PLCB4: variants seen among roughly 807,000 people sequenced by gnomAD.
The protein encoded by PLCB4 is phospholipase C beta 4.
In PLCB4, 77 loss-of-function variants were observed where a neutral mutation model predicts 178.8. That is an observed-to-expected ratio of 0.43 (90% CI 0.36 to 0.52). PLCB4 has a LOEUF of 0.52. PLCB4 is among the 20% of genes least tolerant of loss of function. PLCB4 has a pLI of 0.00. For synonymous variants in PLCB4, 496 were observed against 490.8 expected, an observed-to-expected ratio of 1.01 and a Z score of -0.14; for missense variants, 1,024 against 1,453.4, an observed-to-expected ratio of 0.70 and a Z score of 4.80.
rs142101390 is a variant in PLCB4, at chr20:9,408,985, G to A, written c.1875-72G>A. ...GTCATTGTTGGCCTAGACCTTTGTTGTTTTAGCTCTTTGTTGTTTATTTTT... is the reference window on the plus strand; with the variant it reads ...GTCATTGTTGGCCTAGACCTTTGTTATTTTAGCTCTTTGTTGTTTATTTTT... On this transcript the variant is annotated intron_variant, in intron 23 of 39. Transcript: ENST00000378473. 607 of 1,421,198 alleles carry A rather than the reference G, an allele frequency of 4.3e-4. 4 individuals are homozygous for A. In the African/African-American group the frequency reaches 7.7e-3, roughly 18 times the overall value. 88.0% of individuals were successfully genotyped at this position (1,421,198 alleles called of 1,614,324 possible).
intron 1 of PLCB4, among the ~76,000 whole-genome samples, chr20:9,080,823 G>A (rs887823116): frequency 7.2e-5 from 11 of 152,138 alleles, no homozygotes; most frequent in Non-Finnish European, 1.5e-4. Flanking sequence ...AGTCTATGGG[G>A]ACTTTCAAAT....
intron 1 of PLCB4, among the ~76,000 whole-genome samples, chr20:9,089,259 T>A (rs1166261039): frequency 6.6e-6 from 1 of 151,952 alleles, no homozygotes; most frequent in African/African-American, 2.4e-5. Context: ...TCAATATATT[T>A]AAAAATATAT....
chr20:9,123,006 G>A (rs2092008482), intron 2 of PLCB4, among the ~76,000 whole-genome samples: 1 of 152,100 alleles, frequency 6.6e-6, no homozygotes, highest in Non-Finnish European at 1.5e-5. Context: ...GTACTCTTGA[G>A]CATATAGCTA....
intron 2 of PLCB4, among the ~76,000 whole-genome samples, chr20:9,147,120 T>G (rs2092611994): frequency 6.6e-6 from 1 of 152,150 alleles, no homozygotes; most frequent in Admixed American, 6.6e-5. Flanking sequence ...AATTGGGGTC[T>G]AAGGCTAGGG....
intron 4 of PLCB4, among the ~76,000 whole-genome samples, chr20:9,331,797 G>A (rs2031697656): frequency 6.6e-6 from 1 of 152,186 alleles, no homozygotes; most frequent in East Asian, 1.9e-4. Flanking sequence ...TTTGATAAGA[G>A]AGGGAAGTGT....
At chr20:9,297,128 A>T (rs1199818075) in intron 3 of PLCB4, among the ~76,000 whole-genome samples, 3 of 151,910 alleles carry the variant, frequency 2.0e-5, no homozygotes, top group African/African-American at 7.3e-5. Flanking sequence ...TAGATTATAT[A>T]TTCCTTTCCT....
At chr20:9,161,637 A>G (rs1042243674) in intron 2 of PLCB4, among the ~76,000 whole-genome samples, 3 of 152,248 alleles carry the variant, frequency 2.0e-5, no homozygotes, top group Non-Finnish European at 4.4e-5. Context: ...ACTCGAAGAG[A>G]CAAAAGTGAA....
chr20:9,117,229 C>T (rs1428290027), intron 2 of PLCB4, among the ~76,000 whole-genome samples: 4 of 152,188 alleles, frequency 2.6e-5, no homozygotes, highest in African/African-American at 9.7e-5. Context: ...ATTTTAAATA[C>T]AATTATAGTG....
intron 3 of PLCB4, among the ~76,000 whole-genome samples, chr20:9,233,381 A>G (rs1267428435): frequency 6.6e-6 from 1 of 152,152 alleles, no homozygotes; most frequent in Non-Finnish European, 1.5e-5. Context: ...CAATGTACAA[A>G]GACACATCCC....
intron 1 of PLCB4, among the ~76,000 whole-genome samples, chr20:9,070,391 C>A (rs537928516): frequency 6.6e-6 from 1 of 152,278 alleles, no homozygotes; most frequent in African/African-American, 2.4e-5. Flanking sequence ...TGTGGTTGAA[C>A]TGAGACCCTC....
At chr20:9,159,466 C>T (rs1159298785) in intron 2 of PLCB4, among the ~76,000 whole-genome samples, 1 of 152,120 alleles carries the variant, frequency 6.6e-6, no homozygotes, top group Non-Finnish European at 1.5e-5. Context: ...AGAGATTTAG[C>T]ATGTTTTTGT....
At chr20:9,153,839 A>C (rs2092735243) in intron 2 of PLCB4, among the ~76,000 whole-genome samples, 1 of 152,164 alleles carries the variant, frequency 6.6e-6, no homozygotes, top group Non-Finnish European at 1.5e-5. Flanking sequence ...TAATCAACCA[A>C]AATTTTGCAA....
chr20:9,383,505 T>C (rs1169349019), intron 13 of PLCB4, among the ~76,000 whole-genome samples: 5 of 152,340 alleles, frequency 3.3e-5, no homozygotes, highest in African/African-American at 1.2e-4. Context: ...GCATAAATAC[T>C]GATTGTTGCT....
At chr20:9,226,838 T>C (rs775378089) in intron 3 of PLCB4, among the ~76,000 whole-genome samples, 12 of 152,176 alleles carry the variant, frequency 7.9e-5, no homozygotes, top group Non-Finnish European at 1.0e-4. Context: ...TGGGACCCTT[T>C]TCCTACCTAA....
intron 8 of PLCB4, among the ~76,000 whole-genome samples, chr20:9,364,150 A>C (rs2035582904): frequency 6.6e-6 from 1 of 152,180 alleles, no homozygotes; most frequent in Admixed American, 6.5e-5. Context: ...TGTGTTGTGC[A>C]GCTGCTTCTT....
intron 1 of PLCB4, among the ~76,000 whole-genome samples, chr20:9,087,567 T>G (rs2090489638): frequency 6.6e-6 from 1 of 152,226 alleles, no homozygotes; most frequent in Admixed American, 6.5e-5. Context: ...CTCCCCTTTT[T>G]TCATTCTTAG....
chr20:9,295,074 A>G (rs2094618660), intron 3 of PLCB4, among the ~76,000 whole-genome samples: 1 of 152,174 alleles, frequency 6.6e-6, no homozygotes, highest in South Asian at 2.1e-4. Context: ...GTGACCAGGA[A>G]GCCCTGGGTT....
At chr20:9,300,847 C>T (rs774464728) in intron 3 of PLCB4, among the ~76,000 whole-genome samples, 56 of 152,046 alleles carry the variant, frequency 3.7e-4, no homozygotes, top group Non-Finnish European at 7.6e-4. Context: ...CCAATATATG[C>T]ATTTTCTGGG....
chr20:9,078,273 G>A (rs1183893030), intron 1 of PLCB4, among the ~76,000 whole-genome samples: 4 of 152,078 alleles, frequency 2.6e-5, no homozygotes, highest in East Asian at 1.9e-4. Context: ...GAGCCACTGC[G>A]TCTGGCCTGG....
Sources: allele counts gnomAD v4.1 joint callset (sites outside exome capture counted in the v4.1 genomes callset), GRCh38; gene constraint gnomAD v4.1.1; transcripts MANE v1.5; gene names NCBI Gene and HGNC (gene_info 2026-07-23, HGNC 2026-07-21).